HPCAL1: variants seen among roughly 807,000 people sequenced by gnomAD.
HPCAL1 encodes hippocalcin like 1, also known as hippocalcin-like protein 1.
HPCAL1 carries 8 observed loss-of-function variants against 17.1 expected under a neutral mutation model. The observed-to-expected ratio is 0.47, with a 90% CI of 0.27 to 0.84. The LOEUF (loss-of-function observed/expected upper bound fraction) is 0.84, where lower values mean the gene tolerates loss of function less well. Ranked by LOEUF, HPCAL1 falls within the 40% of genes least tolerant of loss-of-function variation. HPCAL1 has a pLI of 0.13. For synonymous variants in HPCAL1, 112 were observed against 111.4 expected (o/e 1.01, Z -0.03); for missense variants, 165 against 271.1 (o/e 0.61, Z 2.75).
At chr2:10,397,141 C>T (rs1010771147) in intron 2 of HPCAL1, among the ~76,000 whole-genome samples, 3 of 152,136 alleles carry the variant, frequency 2.0e-5, no homozygotes, top group Admixed American at 2.0e-4. Context: ...CCCCCAGGCC[C>T]CACAGCCATC....
In HPCAL1 at chr2:10,426,940, T is replaced by C. The variant is rs572688116; in HGVS notation, c.*119T>C. On this transcript the variant is annotated 3_prime_UTR_variant, in exon 5 of 5. Transcript: ENST00000307845. ...TCTCCCGGGCCCCGGGCCTGGGGCA[T>C]GCGTTGCACCTGCCCAGCCCGGTGG... 3.3e-6 allele frequency: 3 copies of C among 920,716 alleles called. No individual in the cohort carries two copies. In the East Asian group the frequency reaches 7.7e-5, roughly 24 times the overall value. 57.0% of individuals were successfully genotyped at this position (920,716 alleles called of 1,614,324 possible).
At chr2:10,393,455 G>T (rs1277182684) in intron 1 of HPCAL1, among the ~76,000 whole-genome samples, 1 of 152,234 alleles carries the variant, frequency 6.6e-6, no homozygotes, top group Non-Finnish European at 1.5e-5. Context: ...GTCACAGATG[G>T]GGAAACTGGA....
intron 1 of HPCAL1, among the ~76,000 whole-genome samples, chr2:10,338,667 CAGAGTCAGCTT>C (rs1437362450): frequency 1.3e-5 from 2 of 152,142 alleles, no homozygotes; most frequent in Non-Finnish European, 2.9e-5. Context: ...CACATGCACC[CAGAGTCAGCTT>C]GGCAAGACCC....
chr2:10,331,452 G>A lies in HPCAL1; in HGVS notation c.-111+28275G>A, dbSNP rs989221851. Among the ~76,000 whole-genome samples, 3 of 152,174 alleles carry A rather than the reference G, an allele frequency of 2.0e-5. No homozygotes were observed. The highest frequency in any genetic ancestry group is 2.9e-5 in the Non-Finnish European group (2 of 68,022). ...CATGTCCCTTGTCCCACAGGACACCGTTTCTGAACCCAGGAGACACTCAGG... is the reference window on the plus strand; with the variant it reads ...CATGTCCCTTGTCCCACAGGACACCATTTCTGAACCCAGGAGACACTCAGG... On this transcript the variant is annotated intron_variant, in intron 1 of 4. Coordinates refer to ENST00000307845, the MANE Select transcript of HPCAL1 (RefSeq NM_002149.4). This position sits in a 1 kb window ranked among gnomAD's most constrained non-coding sequence, Gnocchi z 5.0.
In HPCAL1 at chr2:10,377,022, A is replaced by G. The variant is rs1329047216; in HGVS notation, c.-110-19813A>G. 2.0e-5 allele frequency among the ~76,000 whole-genome samples: 3 copies of G among 151,940 alleles called. No homozygotes were observed. Among genetic ancestry groups the G allele is most frequent in the African/African-American group, 7.3e-5 (3 of 41,352 alleles). On this transcript the variant is annotated intron_variant, in intron 1 of 4. Transcript: ENST00000307845. The surrounding 1 kb of genome is among the most constrained non-coding windows in gnomAD (Gnocchi z 5.9). Reference sequence around the variant, plus strand: ...TATTGTATTGTGTGTAGTACAATACATGTATGTAATACAATACATACTGTA... The same window carrying G: ...TATTGTATTGTGTGTAGTACAATACGTGTATGTAATACAATACATACTGTA...
chr2:10,309,762 T>C (rs1008390479), intron 1 of HPCAL1, among the ~76,000 whole-genome samples: 2 of 152,194 alleles, frequency 1.3e-5, no homozygotes, highest in Non-Finnish European at 2.9e-5. Context: ...TTTCTCACCT[T>C]GGATCATTTT....
At chr2:10,351,558 G>C (rs1665841916) in intron 1 of HPCAL1, among the ~76,000 whole-genome samples, 1 of 152,134 alleles carries the variant, frequency 6.6e-6, no homozygotes, top group Non-Finnish European at 1.5e-5. Flanking sequence ...AGGAGTTCCA[G>C]ATCAGCCTGG....
rs1251025586 is a variant in HPCAL1, at chr2:10,343,217, G to A, written c.-111+40040G>A. Among the ~76,000 whole-genome samples, 1 of 152,110 alleles carries A rather than the reference G, an allele frequency of 6.6e-6. No individual in the cohort carries two copies. Among genetic ancestry groups the A allele is most frequent in the Non-Finnish European group, 1.5e-5 (1 of 68,006 alleles). On this transcript the variant is annotated intron_variant, in intron 1 of 4. Transcript: ENST00000307845. This position sits in a 1 kb window ranked among gnomAD's most constrained non-coding sequence, Gnocchi z 4.8. ...CCCATCACCCCTCTCCTGGGACCCT[G>A]GACCTCTAGCACACCATGGAGGCCT... is the stretch of plus-strand genomic sequence containing the variant.
At chr2:10,303,847 T>C (rs1662432459) in intron 1 of HPCAL1, 1 of 152,318 alleles carries the variant, frequency 6.6e-6, no homozygotes. Context: ...GGTTTGCTTC[T>C]CTTTAAAATG....
intron 1 of HPCAL1, among the ~76,000 whole-genome samples, chr2:10,312,281 GTCA>G (rs1284966197): frequency 7.2e-6 from 1 of 138,984 alleles, no homozygotes; most frequent in Non-Finnish European, 1.5e-5. Context: ...CATTATCACT[GTCA>G]TCATCACCTT....
chr2:10,405,583 G>A (rs983093187), intron 2 of HPCAL1, among the ~76,000 whole-genome samples: 12 of 152,238 alleles, frequency 7.9e-5, no homozygotes, highest in African/African-American at 1.4e-4. Context: ...ATTTGCAGAC[G>A]GAATTCTGCC....
rs1177260206 is a variant in HPCAL1, at chr2:10,308,376, C to T, written c.-111+5199C>T. ...CCATTACCACAATCCAGTTTTGGAACATATCCATCACCCCAGAAAGATCCC... is the reference window on the plus strand; with the variant it reads ...CCATTACCACAATCCAGTTTTGGAATATATCCATCACCCCAGAAAGATCCC... On this transcript the variant is annotated intron_variant, in intron 1 of 4. Coordinates refer to ENST00000307845, the MANE Select transcript of HPCAL1 (RefSeq NM_002149.4). Among the ~76,000 whole-genome samples the T allele has an allele frequency of 3.9e-5, 6 of 152,260 alleles. 1 individual carries two copies. The highest frequency in any genetic ancestry group is 1.4e-4 in the African/African-American group (6 of 41,542).
intron 2 of HPCAL1, among the ~76,000 whole-genome samples, chr2:10,417,090 C>T (rs938661499): frequency 2.0e-5 from 3 of 152,146 alleles, no homozygotes; most frequent in Non-Finnish European, 4.4e-5. Flanking sequence ...GGGCTGGGCA[C>T]AGTGGCTCAC....
At chr2:10,347,730 C>T (rs527926360) in intron 1 of HPCAL1, among the ~76,000 whole-genome samples, 3 of 152,292 alleles carry the variant, frequency 2.0e-5, no homozygotes, top group Admixed American at 2.0e-4. Flanking sequence ...TCTGAGGCTT[C>T]CTGTGTTTCA....
At position 10,419,735 on chromosome 2, in the gene HPCAL1, T is replaced by C; in HGVS notation, c.-23T>C. 1 of 1,593,040 alleles carries C rather than the reference T, an allele frequency of 6.3e-7. No individual in the cohort carries two copies. ...CCCGGCTGACCCCCTGTCTTGCAGG[T>C]GTAGTCGCCGCCGCCAGCCGCCATG... On this transcript the variant is annotated splice_region_variant and 5_prime_UTR_variant, in exon 3 of 5. Transcript: ENST00000307845. The surrounding 1 kb of genome is among the most constrained non-coding windows in gnomAD (Gnocchi z 5.0).
rs537847504 is a variant in HPCAL1, at chr2:10,397,959, G to A, written c.-25+1039G>A. On this transcript the variant is annotated intron_variant, in intron 2 of 4. Transcript: ENST00000307845. ...AAAACACCCTCTTCAGGGTCAATGCGAGATCAGACCTGGAGTGAAGTGTCC... is the reference window on the plus strand; with the variant it reads ...AAAACACCCTCTTCAGGGTCAATGCAAGATCAGACCTGGAGTGAAGTGTCC... 3.9e-5 allele frequency among the ~76,000 whole-genome samples: 6 copies of A among 152,282 alleles called. No homozygotes were observed. In the East Asian group the frequency reaches 5.8e-4, roughly 15 times the overall value.
chr2:10,384,341 C>T lies in HPCAL1; in HGVS notation c.-110-12494C>T, dbSNP rs1052763639. On this transcript the variant is annotated intron_variant, in intron 1 of 4. Transcript: ENST00000307845. This position sits in a 1 kb window ranked among gnomAD's most constrained non-coding sequence, Gnocchi z 4.4. The stretch of plus-strand genomic sequence containing the variant: ...GAGAGGGGTGGAGGGAGAGAACACC[C>T]TCCACACATCCCCGTGGGATGTCTG... 1.3e-5 allele frequency among the ~76,000 whole-genome samples: 2 copies of T among 152,100 alleles called. No homozygotes were observed. The highest frequency in any genetic ancestry group is 4.8e-5 in the African/African-American group (2 of 41,426).
rs1666405636 is a variant in HPCAL1 at position 10,359,753 on chromosome 2, G to T, written c.-110-37082G>T. On this transcript the variant is annotated intron_variant, in intron 1 of 4. Coordinates refer to ENST00000307845, the MANE Select transcript of HPCAL1 (RefSeq NM_002149.4). The surrounding 1 kb of genome is among the most constrained non-coding windows in gnomAD (Gnocchi z 4.1). Reference sequence around the variant, plus strand: ...AGCACCTCTCCACTCTGAGGAAGGGGCCTTACCCAGATCCCCGTGTCCCCC... The same window carrying T: ...AGCACCTCTCCACTCTGAGGAAGGGTCCTTACCCAGATCCCCGTGTCCCCC... 6.6e-6 allele frequency among the ~76,000 whole-genome samples: 1 copy of T among 152,220 alleles called. No individual in the cohort carries two copies. The highest frequency in any genetic ancestry group is 2.4e-5 in the African/African-American group (1 of 41,456).
intron 1 of HPCAL1, among the ~76,000 whole-genome samples, chr2:10,315,109 G>C (rs1378915006): frequency 6.6e-6 from 1 of 152,072 alleles, no homozygotes; most frequent in Non-Finnish European, 1.5e-5. Context: ...GGCCAACACG[G>C]TGAAACCCCG....
Sources: gnomAD v4.1 joint callset for allele counts (sites outside exome capture counted in the v4.1 genomes callset) on GRCh38, gnomAD v4.1.1 for gene constraint, Gnocchi (gnomAD v3.1) non-coding constraint, MANE v1.5 for transcripts, NCBI Gene and HGNC (gene_info 2026-07-23, HGNC 2026-07-21) for gene names.